Variants in GPM6A observed in about 807,000 individuals in gnomAD.
GPM6A encodes the protein neuronal membrane glycoprotein M6-a.
A neutral mutation model predicts 32.1 loss-of-function variants in GPM6A; 7 were observed. That is an observed-to-expected ratio of 0.22 (90% confidence interval 0.12 to 0.41). The LOEUF (loss-of-function observed/expected upper bound fraction) is 0.41, where lower values mean the gene tolerates loss of function less well. Among genes scored for constraint, GPM6A ranks in the 10% least tolerant of loss-of-function variants. The pLI, the probability that GPM6A is intolerant of heterozygous loss-of-function variation, is 1.00. For synonymous variants in GPM6A, 130 were observed against 123.4 expected, an observed-to-expected ratio of 1.05 and a Z score of -0.35; for missense variants, 235 against 347.2, an observed-to-expected ratio of 0.68 and a Z score of 2.57.
intron 1 of GPM6A, among the ~76,000 whole-genome samples, chr4:175,916,187 C>T (rs576773220): frequency 6.6e-6 from 1 of 152,324 alleles, no homozygotes; most frequent in African/African-American, 2.4e-5. Flanking sequence ...CTGTCCCTCC[C>T]TTTCCCGCAT....
chr4:175,659,133 G>A (rs1742255018), intron 3 of GPM6A, among the ~76,000 whole-genome samples: 1 of 151,474 alleles, frequency 6.6e-6, no homozygotes, highest in Non-Finnish European at 1.5e-5. Flanking sequence ...CCAGGCTGGA[G>A]TGCAGTTGGC....
intron 1 of GPM6A, among the ~76,000 whole-genome samples, chr4:175,840,184 C>A (rs1413729577): frequency 6.6e-6 from 1 of 152,128 alleles, no homozygotes; most frequent in Non-Finnish European, 1.5e-5. Context: ...TCTAACCCAT[C>A]ATAATTTTTT....
chr4:175,988,135 A>G (rs1410148452), intron 1 of GPM6A, among the ~76,000 whole-genome samples: 1 of 152,210 alleles, frequency 6.6e-6, no homozygotes, highest in Non-Finnish European at 1.5e-5. Flanking sequence ...ACTACAAAAT[A>G]TCCTGAGTCA....
intron 1 of GPM6A, among the ~76,000 whole-genome samples, chr4:175,914,824 C>T (rs891471887): frequency 6.6e-6 from 1 of 152,112 alleles, no homozygotes; most frequent in South Asian, 2.1e-4. Context: ...TTTTGTATGG[C>T]TCAGTTTTCA....
intron 1 of GPM6A, among the ~76,000 whole-genome samples, chr4:175,703,387 A>G (rs1744989016): frequency 6.6e-6 from 1 of 152,044 alleles, no homozygotes; most frequent in African/African-American, 2.4e-5. Context: ...GGCCAGGCTG[A>G]TCTCAAACCT....
chr4:175,708,528 G>T (rs1481310037), intron 1 of GPM6A, among the ~76,000 whole-genome samples: 2 of 151,998 alleles, frequency 1.3e-5, no homozygotes, highest in Non-Finnish European at 2.9e-5. Flanking sequence ...TGGTATTACA[G>T]CTGCCCGCCA....
intron 1 of GPM6A, chr4:175,907,206 C>T (rs1390102914): frequency 6.6e-6 from 1 of 152,244 alleles, no homozygotes; most frequent in Non-Finnish European, 1.5e-5. Context: ...ACATGCCATT[C>T]TTCCACCTCC....
chr4:175,905,666 A>C (rs1305028643), intron 1 of GPM6A, among the ~76,000 whole-genome samples: 1 of 152,092 alleles, frequency 6.6e-6, no homozygotes, highest in Non-Finnish European at 1.5e-5. Flanking sequence ...GCTCAAAATA[A>C]TCCTTATGCC....
intron 1 of GPM6A, among the ~76,000 whole-genome samples, chr4:175,930,259 CA>C (rs1268627746): frequency 6.6e-6 from 1 of 151,926 alleles, no homozygotes; most frequent in Non-Finnish European, 1.5e-5. Flanking sequence ...TTAGCAGTTT[CA>C]AAACAAAACT....
At chr4:175,723,829 C>A (rs1392069220) in intron 1 of GPM6A, among the ~76,000 whole-genome samples, 3 of 152,046 alleles carry the variant, frequency 2.0e-5, no homozygotes, top group Admixed American at 6.6e-5. Context: ...AACCCCATAA[C>A]TGTTAGGACT....
chr4:175,858,626 A>G (rs922972206), intron 1 of GPM6A, among the ~76,000 whole-genome samples: 1 of 152,204 alleles, frequency 6.6e-6, no homozygotes, highest in African/African-American at 2.4e-5. Flanking sequence ...TGCTGGTGGA[A>G]ATGCAAAATG....
Position 175,635,044 on chromosome 4 carries a change from A to G in GPM6A, c.698T>C (p.Met233Thr). The G allele has an allele frequency of 6.2e-7, 1 of 1,613,576 alleles. No homozygotes were observed. The highest frequency in any genetic ancestry group is 1.7e-5 in the Admixed American group (1 of 59,978). Residue 233 changes from methionine (M) to threonine (T), a missense_variant, in exon 7 of 7, where the codon ATG becomes ACG. Transcript: ENST00000393658. The part of the protein sequence containing the change: ...AAVIAMVHYL[M>T]VLSANWAYVK... Reference sequence around the variant, plus strand: ...ATAGGCCCAGTTGGCAGACAGAACCATAAGGTAGTGAACCTAATCAAAGAG... The same window carrying G: ...ATAGGCCCAGTTGGCAGACAGAACCGTAAGGTAGTGAACCTAATCAAAGAG...
chr4:175,684,630 A>C (rs1400728458), intron 2 of GPM6A, among the ~76,000 whole-genome samples: 4 of 152,152 alleles, frequency 2.6e-5, no homozygotes, highest in Admixed American at 2.6e-4. Context: ...ATTTATTCAA[A>C]AGATCATCTT....
intron 1 of GPM6A, among the ~76,000 whole-genome samples, chr4:175,919,059 T>C (rs1474728876): frequency 1.3e-5 from 2 of 152,170 alleles, no homozygotes; most frequent in Non-Finnish European, 2.9e-5. Flanking sequence ...GAAAATTGCC[T>C]TTTATCATTA....
chr4:175,889,625 A>G (rs1372570336), intron 1 of GPM6A, among the ~76,000 whole-genome samples: 2 of 152,132 alleles, frequency 1.3e-5, no homozygotes, highest in African/African-American at 4.8e-5. Context: ...GCCATTGGCT[A>G]ACCCGGTGAA....
At chr4:175,682,010 C>G in intron 2 of GPM6A, among the ~76,000 whole-genome samples, 1 of 152,122 alleles carries the variant, frequency 6.6e-6, no homozygotes, top group East Asian at 1.9e-4. Flanking sequence ...TTTGGAACTT[C>G]TTAGACACTG....
intron 1 of GPM6A, among the ~76,000 whole-genome samples, chr4:175,946,272 A>T (rs1403150767): frequency 2.0e-5 from 3 of 152,206 alleles, no homozygotes; most frequent in Admixed American, 2.0e-4. Context: ...TTTCAGGAAA[A>T]TTTTTAAACA....
chr4:175,778,877 A>G (rs913320962), intron 1 of GPM6A, among the ~76,000 whole-genome samples: 2 of 150,656 alleles, frequency 1.3e-5, no homozygotes, highest in African/African-American at 4.9e-5. Flanking sequence ...GGATATATCA[A>G]TAATATAATC....
chr4:175,991,372 G>T (rs534591812), intron 1 of GPM6A, among the ~76,000 whole-genome samples: 99 of 151,910 alleles, frequency 6.5e-4, no homozygotes, highest in Non-Finnish European at 1.4e-3. Context: ...ACTGCGCCTG[G>T]CCTAAATCTT....
Sources: allele counts gnomAD v4.1 joint callset (sites outside exome capture counted in the v4.1 genomes callset), GRCh38; gene constraint gnomAD v4.1.1; transcripts MANE v1.5; gene names NCBI Gene and HGNC (gene_info 2026-07-23, HGNC 2026-07-21).